Variants in EXOC6B observed in about 807,000 individuals in gnomAD.
EXOC6B encodes SEC15 homolog B.
A neutral mutation model predicts 113.5 loss-of-function variants in EXOC6B; 54 were observed. That is an observed-to-expected ratio of 0.48 (90% CI 0.38 to 0.60). The LOEUF is 0.60. Ranked by LOEUF, EXOC6B falls within the 20% of genes least tolerant of loss-of-function variation. The pLI, the probability that EXOC6B is intolerant of heterozygous loss-of-function variation, is 0.00. For missense variants in EXOC6B, 797 were observed against 977.5 expected (o/e 0.82, Z 2.46); for synonymous variants, 357 against 339.0 (o/e 1.05, Z -0.58).
In EXOC6B at chr2:72,823,467, AAAAAAAAAAAACAAAAAAC is replaced by A. The variant is rs1203917159; in HGVS notation, c.113+2312_113+2330del. 4.6e-4 allele frequency among the ~76,000 whole-genome samples: 63 copies of A among 136,148 alleles called. 4 individuals are homozygous for A. The highest frequency in any genetic ancestry group is 1.8e-3 in the Admixed American group (25 of 13,868). The allele number at this position is 136,148 out of a possible 152,430, so 89.3% of individuals were successfully genotyped here. A position where few individuals can be genotyped will look rare whatever the true frequency, so the allele number is the denominator to read the frequency against. On this transcript the variant is annotated intron_variant, in intron 1 of 21. Transcript: ENST00000272427. The stretch of plus-strand genomic sequence containing the variant: ...TCAAATCAAAGTTTTAAGAAAAAAA[AAAAAAAAAAAACAAAAAAC>A]AAAAAAAAAGACAGTGGCCAGGCAC...
chr2:72,713,346 C>T (rs1679389797), intron 6 of EXOC6B, among the ~76,000 whole-genome samples: 1 of 152,048 alleles, frequency 6.6e-6, no homozygotes, highest in Admixed American at 6.6e-5. Context: ...CAGTACAATT[C>T]TAAAGAAGCA....
At chr2:72,357,459 G>A (rs558151321) in intron 19 of EXOC6B, among the ~76,000 whole-genome samples, 2 of 152,222 alleles carry the variant, frequency 1.3e-5, no homozygotes, top group South Asian at 4.1e-4. Context: ...TGAGAGGCAA[G>A]GCAGGTGGGT....
At chr2:72,535,212 A>G (rs1449729004) in intron 8 of EXOC6B, among the ~76,000 whole-genome samples, 1 of 152,196 alleles carries the variant, frequency 6.6e-6, no homozygotes, top group Non-Finnish European at 1.5e-5. Flanking sequence ...CCCTAGATGT[A>G]CCTCTTCAGA....
chr2:72,395,498 T>A (rs1692669644), intron 18 of EXOC6B, among the ~76,000 whole-genome samples: 1 of 152,166 alleles, frequency 6.6e-6, no homozygotes, highest in African/African-American at 2.4e-5. Context: ...CATTTCAGAA[T>A]ATTTAAAACC....
chr2:72,767,200 C>A (rs1246492883), intron 1 of EXOC6B, among the ~76,000 whole-genome samples: 2 of 151,928 alleles, frequency 1.3e-5, no homozygotes, highest in East Asian at 3.9e-4. Context: ...AAGGCCGAGG[C>A]GGGTGTATCA....
chr2:72,323,406 C>A (rs1687952841), intron 20 of EXOC6B, among the ~76,000 whole-genome samples: 1 of 152,104 alleles, frequency 6.6e-6, no homozygotes, highest in Non-Finnish European at 1.5e-5. Flanking sequence ...ATAAGTTCAA[C>A]CATTGTGGAA....
intron 18 of EXOC6B, among the ~76,000 whole-genome samples, chr2:72,386,303 GA>G (rs756712863): frequency 1.3e-5 from 2 of 152,112 alleles, no homozygotes; most frequent in African/African-American, 2.4e-5. Flanking sequence ...TCATGTAGTA[GA>G]AAAGAACAGC....
chr2:72,477,867 T>C (rs897919038), intron 17 of EXOC6B, among the ~76,000 whole-genome samples: 7 of 152,186 alleles, frequency 4.6e-5, no homozygotes, highest in African/African-American at 1.7e-4. Flanking sequence ...TTCTTTTTGG[T>C]CATTTATTTT....
intron 12 of EXOC6B, 46 bp downstream of exon 12, chr2:72,499,855 T>C: frequency 7.4e-7 from 1 of 1,352,132 alleles, no homozygotes; most frequent in Non-Finnish European, 1.0e-6. Context: ...TTAGAGCTGA[T>C]TATAATACCA....
Position 72,178,883 on chromosome 2 carries a change from C to T in EXOC6B, c.*452G>A, listed in dbSNP as rs546245148. On this transcript the variant is annotated 3_prime_UTR_variant, in exon 22 of 22. Coordinates refer to ENST00000272427, the MANE Select transcript of EXOC6B (RefSeq NM_015189.3). ...ATAGTAATGTTTGCCATGCCCTTTC[C>T]TTGTATTGAGAAGAATCAGCCTCAT... 6.4e-6 allele frequency: 1 copy of T among 156,312 alleles called. No individual in the cohort carries two copies. The highest frequency in any genetic ancestry group is 2.4e-5 in the African/African-American group (1 of 41,580). 9.7% of individuals were successfully genotyped at this position (156,312 alleles called of 1,614,324 possible).
intron 1 of EXOC6B, among the ~76,000 whole-genome samples, chr2:72,753,470 T>C (rs1238143642): frequency 6.6e-6 from 1 of 152,004 alleles, no homozygotes; most frequent in African/African-American, 2.4e-5. Flanking sequence ...CCCTCCCTAT[T>C]CTCCCCAGCT....
intron 1 of EXOC6B, among the ~76,000 whole-genome samples, chr2:72,754,266 T>C (rs766695649): frequency 1.2e-4 from 18 of 152,178 alleles, no homozygotes; most frequent in Admixed American, 5.9e-4. Flanking sequence ...CACGAAGAGC[T>C]TAAGCTTGCA....
At chr2:72,385,475 C>A (rs1691956168) in intron 18 of EXOC6B, among the ~76,000 whole-genome samples, 1 of 149,212 alleles carries the variant, frequency 6.7e-6, no homozygotes. Flanking sequence ...TTGTATATAA[C>A]CACAAAAGTA....
chr2:72,510,411 TG>T (rs1267661273), intron 11 of EXOC6B, among the ~76,000 whole-genome samples: 2 of 151,616 alleles, frequency 1.3e-5, no homozygotes, highest in East Asian at 3.9e-4. Context: ...TGTAAGGACA[TG>T]GTTATAACAG....
chr2:72,262,197 C>T lies in EXOC6B; in HGVS notation c.2196+72750G>A, dbSNP rs141780762. Among the ~76,000 whole-genome samples, 37 of 152,074 alleles carry T rather than the reference C, an allele frequency of 2.4e-4. No homozygotes were observed. The East Asian group carries it at 7.2e-3, about 29-fold the overall frequency. ...TCTTAGGATCAAGAACTTCCTTCACCTAGGCCAGCTTAATTCCTTTCCTTG... is the reference window on the plus strand; with the variant it reads ...TCTTAGGATCAAGAACTTCCTTCACTTAGGCCAGCTTAATTCCTTTCCTTG... On this transcript the variant is annotated intron_variant, in intron 20 of 21. Coordinates refer to ENST00000272427, the MANE Select transcript of EXOC6B (RefSeq NM_015189.3).
chr2:72,728,664 G>C (rs1680456974), intron 5 of EXOC6B, among the ~76,000 whole-genome samples: 1 of 152,068 alleles, frequency 6.6e-6, no homozygotes, highest in Non-Finnish European at 1.5e-5. Flanking sequence ...GAAAATAAGA[G>C]AACTCTGGAG....
intron 16 of EXOC6B, among the ~76,000 whole-genome samples, chr2:72,491,202 T>A (rs142600283): frequency 6.6e-6 from 1 of 152,260 alleles, no homozygotes; most frequent in Non-Finnish European, 1.5e-5. Context: ...AATGAGGGGA[T>A]TATCCCAAAT....
intron 6 of EXOC6B, among the ~76,000 whole-genome samples, chr2:72,697,079 G>A (rs2104614508): frequency 6.7e-6 from 1 of 149,450 alleles, no homozygotes; most frequent in Admixed American, 6.7e-5. Context: ...AATGAGAGTA[G>A]TACATGTGTG....
chr2:72,273,888 G>C (rs1360600919), intron 20 of EXOC6B, among the ~76,000 whole-genome samples: 1 of 152,092 alleles, frequency 6.6e-6, no homozygotes, highest in African/African-American at 2.4e-5. Flanking sequence ...AAAGCAGTGG[G>C]AACACTGAGA....
Sources: allele counts gnomAD v4.1 joint callset (sites outside exome capture counted in the v4.1 genomes callset), GRCh38; gene constraint gnomAD v4.1.1; transcripts MANE v1.5; gene names NCBI Gene and HGNC (gene_info 2026-07-23, HGNC 2026-07-21).